The following NEDD4L variants were observed in gnomAD, a reference collection of about 807,000 sequenced individuals.
NEDD4L encodes the protein NEDD4 like E3 ubiquitin protein ligase.
In NEDD4L, 54 loss-of-function variants were observed where a neutral mutation model predicts 148.9. That is an observed-to-expected ratio of 0.36 (90% CI 0.29 to 0.45). NEDD4L has a LOEUF of 0.45. NEDD4L is among the 20% of genes least tolerant of loss of function. NEDD4L has a pLI of 1.00. For synonymous variants in NEDD4L, 433 were observed against 440.7 expected (o/e 0.98, Z 0.22); for missense variants, 856 against 1,233.8 (o/e 0.69, Z 4.59).
intron 11 of NEDD4L, among the ~76,000 whole-genome samples, chr18:58,333,175 G>T (rs909439031): frequency 5.9e-5 from 9 of 151,912 alleles, no homozygotes; most frequent in African/African-American, 1.9e-4. Context: ...CTACTCAGGA[G>T]GCTGAGACAG....
At chr18:58,179,988 G>A (rs2038654446) in intron 2 of NEDD4L, among the ~76,000 whole-genome samples, 1 of 152,158 alleles carries the variant, frequency 6.6e-6, no homozygotes, top group South Asian at 2.1e-4. Context: ...AAAAGTTGGG[G>A]ACCGTTGGTG....
At chr18:58,132,671 G>T (rs761138252) in intron 1 of NEDD4L, among the ~76,000 whole-genome samples, 6 of 152,216 alleles carry the variant, frequency 3.9e-5, no homozygotes, top group Non-Finnish European at 7.3e-5. Context: ...AATGGTAGGG[G>T]CTCAAGCCAA....
intron 5 of NEDD4L, among the ~76,000 whole-genome samples, chr18:58,296,554 G>A (rs967730468): frequency 6.6e-5 from 10 of 152,332 alleles, no homozygotes; most frequent in South Asian, 2.1e-4. Flanking sequence ...GGCTGCCAGC[G>A]GGCTCCAGCC....
chr18:58,061,366 A>G (rs1182906650), intron 1 of NEDD4L, among the ~76,000 whole-genome samples: 1 of 152,236 alleles, frequency 6.6e-6, no homozygotes, highest in African/African-American at 2.4e-5. Context: ...AGTAAGTGTT[A>G]GAGCCAGAAT....
intron 5 of NEDD4L, among the ~76,000 whole-genome samples, chr18:58,254,865 G>T (rs529982501): frequency 1.1e-4 from 16 of 152,194 alleles, no homozygotes; most frequent in Admixed American, 2.0e-4. Context: ...TTTGTTACTT[G>T]TAGATCCTGC....
Position 58,276,879 on chromosome 18 carries a change from T to C in NEDD4L, c.297+24825T>C, listed in dbSNP as rs1317410234. Among the ~76,000 whole-genome samples the C allele has an allele frequency of 2.0e-5, 3 of 152,246 alleles. No individual in the cohort carries two copies. In the South Asian group the frequency reaches 6.2e-4, roughly 32 times the overall value. ...GTCTGTAGTTGCTGGAATGCCTATG[T>C]CCCTGGTTACGAGCCTTGATATAAT... On this transcript the variant is annotated intron_variant, in intron 5 of 30. Transcript: ENST00000400345.
At chr18:58,335,645 T>C (rs2041651159) in intron 13 of NEDD4L, 108 bp downstream of exon 13, 1 of 847,122 alleles carries the variant, frequency 1.2e-6, no homozygotes, top group South Asian at 1.4e-5. Flanking sequence ...TTAGCTCCTT[T>C]GTGCTACAGA....
chr18:58,095,484 G>A, intron 1 of NEDD4L, among the ~76,000 whole-genome samples: 1 of 152,194 alleles, frequency 6.6e-6, no homozygotes, highest in Non-Finnish European at 1.5e-5. Flanking sequence ...GCAGCACTGA[G>A]GCCTGGACAG....
intron 1 of NEDD4L, among the ~76,000 whole-genome samples, chr18:58,088,563 T>G (rs2083887741): frequency 6.6e-6 from 1 of 152,226 alleles, no homozygotes; most frequent in East Asian, 1.9e-4. Context: ...AAGTTTAGTA[T>G]TATGTATATG....
intron 1 of NEDD4L, among the ~76,000 whole-genome samples, chr18:58,087,979 C>T (rs189720782): frequency 4.6e-5 from 7 of 152,352 alleles, no homozygotes; most frequent in East Asian, 3.9e-4. Context: ...TCAGGGTTTC[C>T]TGAGGCTGCA....
intron 1 of NEDD4L, among the ~76,000 whole-genome samples, chr18:58,116,650 G>A (rs2085862470): frequency 6.6e-6 from 1 of 152,240 alleles, no homozygotes; most frequent in African/African-American, 2.4e-5. Context: ...TTTGCAGAGG[G>A]AGACCAGAGC....
intron 2 of NEDD4L, chr18:58,195,702 A>C: frequency 7.4e-7 from 1 of 1,351,928 alleles, no homozygotes; most frequent in Non-Finnish European, 9.8e-7. Context: ...TCCGCTCCCC[A>C]CTTCAGACGA....
chr18:58,115,211 CTTTTTCATTCTTTTTTCT>C (rs1180752994), intron 1 of NEDD4L, among the ~76,000 whole-genome samples: 1 of 148,636 alleles, frequency 6.7e-6, no homozygotes, highest in Non-Finnish European at 1.5e-5. Context: ...TTTTTCTTTT[CTTTTTCATTCTTTTTTCT>C]TTTCTTTCTT....
chr18:58,148,317 A>G lies in NEDD4L; in HGVS notation c.49-17471A>G, dbSNP rs564006654. Among the ~76,000 whole-genome samples, 7 of 146,946 alleles carry G rather than the reference A, an allele frequency of 4.8e-5. No homozygotes were observed. In the South Asian group the frequency reaches 6.4e-4, roughly 14 times the overall value. Reference sequence around the variant, plus strand: ...AGTAGCTGGGACTACAGGCACATGCACTGTGTCTGGCTACTTTTTATATTT... The same window carrying G: ...AGTAGCTGGGACTACAGGCACATGCGCTGTGTCTGGCTACTTTTTATATTT... On this transcript the variant is annotated intron_variant, in intron 1 of 30. Transcript: ENST00000400345.
At chr18:58,332,023 A>G (rs1273577757) in intron 11 of NEDD4L, among the ~76,000 whole-genome samples, 1 of 152,254 alleles carries the variant, frequency 6.6e-6, no homozygotes, top group East Asian at 1.9e-4. Context: ...TATATATGGG[A>G]TATTTGAACT....
chr18:58,177,654 A>G (rs1034025856), intron 2 of NEDD4L, among the ~76,000 whole-genome samples: 1 of 152,224 alleles, frequency 6.6e-6, no homozygotes, highest in African/African-American at 2.4e-5. Context: ...GAAGGTAACA[A>G]TGTCCCTTCT....
intron 1 of NEDD4L, among the ~76,000 whole-genome samples, chr18:58,106,890 C>T (rs980211998): frequency 5.3e-5 from 8 of 152,094 alleles, no homozygotes; most frequent in South Asian, 2.1e-4. Context: ...CTTCTTGACA[C>T]GGCAGGAGAA....
At chr18:58,392,242 C>T (rs1219355023) in intron 30 of NEDD4L, among the ~76,000 whole-genome samples, 2 of 152,210 alleles carry the variant, frequency 1.3e-5, no homozygotes, top group African/African-American at 2.4e-5. Context: ...CCATGTCCCT[C>T]GTGTTGGTTT....
intron 1 of NEDD4L, among the ~76,000 whole-genome samples, chr18:58,121,770 A>G: frequency 6.6e-6 from 1 of 152,214 alleles, no homozygotes; most frequent in Non-Finnish European, 1.5e-5. Context: ...AAATTATCCC[A>G]ATAATATATG....
Sources: allele counts gnomAD v4.1 joint callset (sites outside exome capture counted in the v4.1 genomes callset), GRCh38; gene constraint gnomAD v4.1.1; transcripts MANE v1.5; gene names NCBI Gene and HGNC (gene_info 2026-07-23, HGNC 2026-07-21).